SEMA6A: variants seen among roughly 807,000 people sequenced by gnomAD.
SEMA6A encodes the protein semaphorin 6A, also known as semaphorin-6A.
A neutral mutation model predicts 96.8 loss-of-function variants in SEMA6A; 25 were observed. The observed-to-expected ratio is 0.26, with a 90% CI of 0.19 to 0.36. The LOEUF (loss-of-function observed/expected upper bound fraction) is 0.36, where lower values mean the gene tolerates loss of function less well. Ranked by LOEUF, SEMA6A falls within the 10% of genes least tolerant of loss-of-function variation. The probability of loss-of-function intolerance (pLI) is 1.00; values close to 1 mark genes in which losing one functional copy is unlikely to be tolerated. For synonymous variants in SEMA6A, 612 were observed against 518.0 expected (o/e 1.18, Z -2.46); for missense variants, 1,363 against 1,323.1 (o/e 1.03, Z -0.47).
intron 11 of SEMA6A, among the ~76,000 whole-genome samples, chr5:116,481,543 G>T (rs1451083418): frequency 6.6e-6 from 1 of 152,184 alleles, no homozygotes; most frequent in Non-Finnish European, 1.5e-5. Flanking sequence ...GGCTAGGTAT[G>T]TTGTGGGGAG....
In SEMA6A at chr5:116,448,460, T is replaced by A. The variant is rs143977536; in HGVS notation, c.1895-649A>T. Among the ~76,000 whole-genome samples the A allele has an allele frequency of 5.5e-4, 83 of 152,272 alleles. No homozygotes were observed. The East Asian group carries it at 0.014, about 27-fold the overall frequency. ...CTTTCAAAAGTTATCTTTCTTTCCT[T>A]CTTTATGGCTTTTTAACCTTCCCTT... On this transcript the variant is annotated intron_variant, in intron 18 of 18. Transcript: ENST00000343348.
chr5:116,569,598 A>G (rs920939930), intron 1 of SEMA6A, among the ~76,000 whole-genome samples: 8 of 152,222 alleles, frequency 5.3e-5, no homozygotes, highest in African/African-American at 1.9e-4. Context: ...AGCTGGCATG[A>G]AAACCTAGCA....
rs1206972111 is a variant in SEMA6A, at chr5:116,446,877, A to G, written c.2829T>C (p.Asn943=). The G allele has an allele frequency of 1.2e-6, 2 of 1,613,726 alleles. No individual in the cohort carries two copies. Among genetic ancestry groups the G allele is most frequent in the African/African-American group, 1.3e-5 (1 of 74,878 alleles). The change falls in exon 19 of 19, where the codon AAT becomes AAC. Residue 943 remains asparagine (N), a synonymous_variant. Coordinates refer to ENST00000343348, the MANE Select transcript of SEMA6A (RefSeq NM_020796.5). The stretch of plus-strand genomic sequence containing the variant: ...TCTGGTTTCTGGAGAGGTGAGAGGA[A>G]TTGGAGGAGTTAGTGTTGTTTCTTT... ...TLKRNNTNSS[N]SSHLSRNQSF...
At chr5:116,476,800 A>G (rs1327011324) in intron 15 of SEMA6A, among the ~76,000 whole-genome samples, 1 of 152,212 alleles carries the variant, frequency 6.6e-6, no homozygotes, top group African/African-American at 2.4e-5. Context: ...ACAGAGCTCT[A>G]AGATTATAGC....
At chr5:116,569,931 G>T (rs1475772602) in intron 1 of SEMA6A, among the ~76,000 whole-genome samples, 1 of 152,210 alleles carries the variant, frequency 6.6e-6, no homozygotes, top group Admixed American at 6.5e-5. Flanking sequence ...GTCCAGGAGA[G>T]AGGTCTAAGC....
intron 1 of SEMA6A, among the ~76,000 whole-genome samples, chr5:116,508,856 G>A (rs778720099): frequency 4.6e-5 from 7 of 152,150 alleles, no homozygotes; most frequent in Non-Finnish European, 7.3e-5. Flanking sequence ...TGCCCTTGAA[G>A]GTTCTGAGGG....
intron 18 of SEMA6A, among the ~76,000 whole-genome samples, chr5:116,460,525 G>C (rs2112622820): frequency 6.6e-6 from 1 of 152,170 alleles, no homozygotes; most frequent in Non-Finnish European, 1.5e-5. Context: ...AGTACTCTCA[G>C]TTAATTCGGA....
intron 1 of SEMA6A, among the ~76,000 whole-genome samples, chr5:116,528,308 T>C (rs542848179): frequency 1.3e-5 from 2 of 152,284 alleles, no homozygotes; most frequent in African/African-American, 2.4e-5. Flanking sequence ...ATAATGTGGA[T>C]TTCTGGAAGT....
intron 1 of SEMA6A, among the ~76,000 whole-genome samples, chr5:116,559,663 A>T (rs1760744463): frequency 6.6e-6 from 1 of 152,086 alleles, no homozygotes; most frequent in Non-Finnish European, 1.5e-5. Flanking sequence ...AATACGGTTT[A>T]TGACAGCAGT....
rs77146568 is a variant in SEMA6A at position 116,567,449 on chromosome 5, C to T, written c.-39+6736G>A. On this transcript the variant is annotated intron_variant, in intron 1 of 18. Transcript: ENST00000343348. ...CAAAATCCATTCCTAGGACATTTTT[C>T]GTAACTACTGTTACTCAAGTAAAAA... 4.0e-3 allele frequency among the ~76,000 whole-genome samples: 611 copies of T among 152,246 alleles called. 5 individuals are homozygous for T. Among genetic ancestry groups the T allele is most frequent in the African/African-American group, 0.014 (587 of 41,542 alleles).
At position 116,491,797 on chromosome 5, in the gene SEMA6A, T is replaced by C. The variant is rs753764306; in HGVS notation, c.478A>G (p.Ser160Gly). ...DTLEPFGDEF[S>G]GMARCPYDAK... ...TCATATGGGCATCTGGCCATTCCGC[T>C]GAATTCATCCCCGAATGGTTCCAAT... The change falls in exon 7 of 19, where the codon AGC becomes GGC. Residue 160 changes from serine (S) to glycine (G), a missense_variant. By Grantham distance (56) the Ser-to-Gly change is moderately conservative (BLOSUM62 0). Coordinates refer to ENST00000343348, the MANE Select transcript of SEMA6A (RefSeq NM_020796.5). 11 of 1,613,570 alleles carry C rather than the reference T, an allele frequency of 6.8e-6. No individual in the cohort carries two copies. In the Admixed American group the frequency reaches 1.2e-4, roughly 17 times the overall value.
chr5:116,488,961 G>C lies in SEMA6A; in HGVS notation c.582C>G (p.Asp194Glu). ...CTCCAAGACTCCGGTAAATGACTGCGTCAATGGCAAGGAAGTCAGTCACTG... is the reference window on the plus strand; with the variant it reads ...CTCCAAGACTCCGGTAAATGACTGCCTCAATGGCAAGGAAGTCAGTCACTG... ...SATVTDFLAI[D>E]AVIYRSLGES... The change falls in exon 8 of 19, where the codon GAC (aspartate) becomes GAG (glutamate). Residue 194 changes from aspartate to glutamate, a missense_variant. Physicochemically the swap from Asp to Glu is conservative, Grantham distance 45 (BLOSUM62 2). Coordinates refer to ENST00000343348, the MANE Select transcript of SEMA6A (RefSeq NM_020796.5). 6.3e-7 allele frequency: 1 copy of C among 1,585,850 alleles called. No homozygotes were observed. Among genetic ancestry groups the C allele is most frequent in the Non-Finnish European group, 8.6e-7 (1 of 1,164,870 alleles).
chr5:116,504,452 G>C (rs1213889721), intron 2 of SEMA6A, among the ~76,000 whole-genome samples: 1 of 152,088 alleles, frequency 6.6e-6, no homozygotes, highest in Non-Finnish European at 1.5e-5. Flanking sequence ...ACTCCAAAAT[G>C]GTCATTACTT....
At chr5:116,483,736 C>T (rs915501472) in intron 10 of SEMA6A, among the ~76,000 whole-genome samples, 1 of 152,036 alleles carries the variant, frequency 6.6e-6, no homozygotes, top group Non-Finnish European at 1.5e-5. Flanking sequence ...TAAATTTATA[C>T]ATGTACATAT....
intron 1 of SEMA6A, among the ~76,000 whole-genome samples, chr5:116,532,727 TG>T (rs1759538770): frequency 6.6e-6 from 1 of 152,012 alleles, no homozygotes. Flanking sequence ...GGAAAATCAA[TG>T]AATCAGTAAA....
chr5:116,511,138 A>C (rs1294123627), intron 1 of SEMA6A, among the ~76,000 whole-genome samples: 1 of 152,214 alleles, frequency 6.6e-6, no homozygotes, highest in East Asian at 1.9e-4. Context: ...GGGGATGCTC[A>C]AGTCCCTTGA....
Position 116,478,657 on chromosome 5 carries a change from CCA to C in SEMA6A, c.1310_1311del (p.Val437GlyfsTer20), listed in dbSNP as rs1561484049. The C allele has an allele frequency of 6.2e-7, 1 of 1,613,778 alleles. No homozygotes were observed. Among genetic ancestry groups the C allele is most frequent in the East Asian group, 2.2e-5 (1 of 44,838 alleles). On this transcript the variant is annotated frameshift_variant, in exon 13 of 19. Transcript: ENST00000343348. LOFTEE classifies it high-confidence loss of function. Reference protein sequence around the residue: ...TAAGPYQNHTVVFLGSEKGII... With the variant: ...TAAGPYQNHTXVFLGSEKGII... Reference sequence around the variant, plus strand: ...ATTCCCTTCTCTGATCCCAGAAAAACCACAGTGTGATTCTGATATGGCCCAGC... The same window carrying C: ...ATTCCCTTCTCTGATCCCAGAAAAACCAGTGTGATTCTGATATGGCCCAGC...
chr5:116,484,184 C>T (rs1189482871), intron 10 of SEMA6A, among the ~76,000 whole-genome samples: 1 of 151,760 alleles, frequency 6.6e-6, no homozygotes, highest in Non-Finnish European at 1.5e-5. Context: ...GAAAGTAACA[C>T]ATTTACATAT....
chr5:116,496,191 A>C lies in SEMA6A; in HGVS notation c.342+60T>G, dbSNP rs192698833. 3 of 1,352,326 alleles carry C rather than the reference A, an allele frequency of 2.2e-6. No homozygotes were observed. In the African/African-American group the frequency reaches 4.3e-5, roughly 19 times the overall value. The allele number at this position is 1,352,326 out of a possible 1,614,324, so 83.8% of individuals were successfully genotyped here. A position where few individuals can be genotyped will look rare whatever the true frequency, so the allele number is the denominator to read the frequency against. ...ATTCTACATCACGGTCTATGGCTGG[A>C]GATAACAGTCAAAAACTTAACCCAA... On this transcript the variant is annotated intron_variant, in intron 5 of 18. Coordinates refer to ENST00000343348, the MANE Select transcript of SEMA6A (RefSeq NM_020796.5).
Sources: allele counts gnomAD v4.1 joint callset (sites outside exome capture counted in the v4.1 genomes callset), GRCh38; gene constraint gnomAD v4.1.1; transcripts MANE v1.5; gene names NCBI Gene and HGNC (gene_info 2026-07-23, HGNC 2026-07-21).